The following NAT2 variants were observed in gnomAD, a reference collection of about 807,000 sequenced individuals.
NAT2 encodes arylamine N-acetyltransferase 2.
For missense variants in NAT2, 428 were observed against 339.1 expected, an observed-to-expected ratio of 1.26 and a Z score of -2.06; for synonymous variants, 137 against 125.9, an observed-to-expected ratio of 1.09 and a Z score of -0.59.
chr8:18,389,186 T>C (rs4646241), upstream of NAT2, among the ~76,000 whole-genome samples: 41,054 of 152,106 alleles, frequency 0.27, 5,754 homozygotes, highest in South Asian at 0.35. Flanking sequence ...ACATTTTAAT[T>C]CCAGGTGTCA....
chr8:18,397,845 A>C (rs1293990845), intron 1 of NAT2, among the ~76,000 whole-genome samples: 12 of 152,002 alleles, frequency 7.9e-5, no homozygotes, highest in Admixed American at 7.9e-4. Flanking sequence ...TCTCTCTTTC[A>C]ACTTTTTGTT....
Position 18,400,791 on chromosome 8 carries a change from T to G in NAT2, c.788T>G (p.Val263Gly). ...TTTAAAACTCTCACTGAGGAAGAGG[T>G]TGAAGAAGTGCTGAGAAATATATTT... Reference protein sequence around the residue: ...VEFKTLTEEEVEEVLRNIFKI... With the variant: ...VEFKTLTEEEGEEVLRNIFKI... Residue 263 changes from valine to glycine, a missense_variant, in exon 2 of 2, where the codon GTT becomes GGT. Coordinates refer to ENST00000286479, the MANE Select transcript of NAT2 (RefSeq NM_000015.3). 1.2e-6 allele frequency: 2 copies of G among 1,612,700 alleles called. No individual in the cohort carries two copies. Among genetic ancestry groups the G allele is most frequent in the East Asian group, 2.2e-5 (1 of 44,828 alleles).
At chr8:18,390,501 C>T (rs1585134625), upstream of NAT2, among the ~76,000 whole-genome samples, 1 of 152,200 alleles carries the variant, frequency 6.6e-6, no homozygotes, top group African/African-American at 2.4e-5. Flanking sequence ...TTGATCTTTA[C>T]ACAATGTCTG....
upstream of NAT2, among the ~76,000 whole-genome samples, chr8:18,386,373 C>T (rs146902378): frequency 3.9e-5 from 6 of 152,358 alleles, no homozygotes; most frequent in East Asian, 1.2e-3. Flanking sequence ...GCCCAACTTA[C>T]ATCCATGATC....
At chr8:18,389,954 A>G (rs968362835), upstream of NAT2, among the ~76,000 whole-genome samples, 7 of 152,244 alleles carry the variant, frequency 4.6e-5, no homozygotes, top group African/African-American at 1.7e-4. Flanking sequence ...AGTGAACCCA[A>G]GACACCTTGA....
At chr8:18,386,853 C>G (rs570892072), upstream of NAT2, among the ~76,000 whole-genome samples, 1 of 152,300 alleles carries the variant, frequency 6.6e-6, no homozygotes, top group East Asian at 1.9e-4. Flanking sequence ...GCCCTGTGTT[C>G]AAGGACGACG....
chr8:18,400,327 TCTC>T lies in NAT2; in HGVS notation c.327_329del (p.Leu110del), dbSNP rs752529936. On this transcript the variant is annotated inframe_deletion, in exon 2 of 2. Transcript: ENST00000286479. Reference sequence around the variant, plus strand: ...AATACAGCACTGGCATGGTTCACCTTCTCCTGCAGGTGACCATTGACGGCAGGA... The same window carrying T: ...AATACAGCACTGGCATGGTTCACCTTCTGCAGGTGACCATTGACGGCAGGA... 2 of 1,613,684 alleles carry T rather than the reference TCTC, an allele frequency of 1.2e-6. No individual in the cohort carries two copies. Among genetic ancestry groups the T allele is most frequent in the South Asian group, 1.1e-5 (1 of 91,040 alleles).
Position 18,397,148 on chromosome 8 carries a change from G to A in NAT2, c.-6-2850G>A, listed in dbSNP as rs544615195. 3.9e-5 allele frequency among the ~76,000 whole-genome samples: 6 copies of A among 151,924 alleles called. No homozygotes were observed. In the East Asian group the frequency reaches 1.2e-3, roughly 29 times the overall value. On this transcript the variant is annotated intron_variant, in intron 1 of 1. Coordinates refer to ENST00000286479, the MANE Select transcript of NAT2 (RefSeq NM_000015.3). ...AGGATTTCATGTTTCCTAGGTTTAAGGTCACTAAAAATAAAAATTCCACTT... is the reference window on the plus strand; with the variant it reads ...AGGATTTCATGTTTCCTAGGTTTAAAGTCACTAAAAATAAAAATTCCACTT...
chr8:18,390,828 A>G (rs1371100271), upstream of NAT2, among the ~76,000 whole-genome samples: 1 of 152,206 alleles, frequency 6.6e-6, no homozygotes, highest in Non-Finnish European at 1.5e-5. Flanking sequence ...GAAGTGAATG[A>G]GAGTGAGGAT....
intron 1 of NAT2, among the ~76,000 whole-genome samples, chr8:18,396,757 G>A (rs1451624556): frequency 6.6e-6 from 1 of 152,144 alleles, no homozygotes; most frequent in Middle Eastern, 3.2e-3. Context: ...TAAATCCTGA[G>A]CTATCTGTAA....
At chr8:18,393,258 G>C (rs951202797) in intron 1 of NAT2, among the ~76,000 whole-genome samples, 11 of 152,056 alleles carry the variant, frequency 7.2e-5, no homozygotes, top group African/African-American at 2.4e-4. Context: ...AGTCATAGCA[G>C]TGGAAAAACA....
Position 18,400,559 on chromosome 8 carries a change from C to T in NAT2, c.556C>T (p.His186Tyr), listed in dbSNP as rs1311332863. Residue 186 changes from histidine to tyrosine, a missense_variant, in exon 2 of 2, where the codon CAC becomes TAC. Coordinates refer to ENST00000286479, the MANE Select transcript of NAT2 (RefSeq NM_000015.3). ...LNSHLLPKKK[H>Y]QKIYLFTLEP... Reference sequence around the variant, plus strand: ...TTCTCATCTCCTGCCAAAGAAGAAACACCAAAAAATATACTTATTTACGCT... The same window carrying T: ...TTCTCATCTCCTGCCAAAGAAGAAATACCAAAAAATATACTTATTTACGCT... The T allele has an allele frequency of 6.2e-7, 1 of 1,611,756 alleles. No homozygotes were observed. The highest frequency in any genetic ancestry group is 8.5e-7 in the Non-Finnish European group (1 of 1,179,434).
chr8:18,390,758 G>C (rs4271002), upstream of NAT2, among the ~76,000 whole-genome samples: 17,811 of 152,064 alleles, frequency 0.12, 1,152 homozygotes, highest in Admixed American at 0.18. Context: ...TGATACATGT[G>C]ACACTTATAC....
At chr8:18,396,627 C>T (rs1299847229) in intron 1 of NAT2, among the ~76,000 whole-genome samples, 3 of 152,114 alleles carry the variant, frequency 2.0e-5, no homozygotes, top group East Asian at 3.9e-4. Context: ...AACCCCTGAC[C>T]TCGTGATCTG....
chr8:18,400,667 T>C lies in NAT2; in HGVS notation c.664T>C (p.Phe222Leu), dbSNP rs2117623207. The stretch of plus-strand genomic sequence containing the variant: ...AACATCTTCATTTATAACCACATCA[T>C]TTTGTTCCTTGCAGACCCCAGAAGG... ...SPTSSFITTS[F>L]CSLQTPEGVY... The change falls in exon 2 of 2, where the codon TTT becomes CTT. Residue 222 changes from phenylalanine to leucine, a missense_variant. Phe to Leu is a conservative substitution (Grantham distance 22, BLOSUM62 0). Transcript: ENST00000286479. The C allele has an allele frequency of 6.2e-7, 1 of 1,613,990 alleles. No homozygotes were observed. Among genetic ancestry groups the C allele is most frequent in the African/African-American group, 1.3e-5 (1 of 75,034 alleles).
At chr8:18,390,353 G>A (rs1800572821), upstream of NAT2, among the ~76,000 whole-genome samples, 1 of 152,192 alleles carries the variant, frequency 6.6e-6, no homozygotes, top group Non-Finnish European at 1.5e-5. Context: ...AGTTAGAGTA[G>A]TAGAAAGTTA....
chr8:18,400,906 G>T lies in NAT2; in HGVS notation c.*30G>T. ...AGGAACAAAATAAACCCTTGTGTAT[G>T]TATCACCCAACTCACTAATTATCAA... On this transcript the variant is annotated 3_prime_UTR_variant, in exon 2 of 2. Transcript: ENST00000286479. 2.0e-6 allele frequency: 3 copies of T among 1,502,850 alleles called. No individual in the cohort carries two copies. The highest frequency in any genetic ancestry group is 2.7e-6 in the Non-Finnish European group (3 of 1,120,110). 93.1% of individuals were successfully genotyped at this position (1,502,850 alleles called of 1,614,324 possible).
intron 1 of NAT2, among the ~76,000 whole-genome samples, chr8:18,392,396 C>G (rs1328790744): frequency 6.6e-6 from 1 of 152,138 alleles, no homozygotes; most frequent in Non-Finnish European, 1.5e-5. Context: ...GTCAAAGGTC[C>G]AGGAGTCCAA....
chr8:18,395,418 C>G (rs1293104627), intron 1 of NAT2, among the ~76,000 whole-genome samples: 3 of 152,076 alleles, frequency 2.0e-5, no homozygotes, highest in Non-Finnish European at 4.4e-5. Context: ...ATAAAGACAT[C>G]AGAATGATAG....
Sources: allele counts gnomAD v4.1 joint callset (sites outside exome capture counted in the v4.1 genomes callset), GRCh38; gene constraint gnomAD v4.1.1; transcripts MANE v1.5; gene names NCBI Gene and HGNC (gene_info 2026-07-23, HGNC 2026-07-21).